The following CNBD2 variants were observed in gnomAD, a reference collection of about 807,000 sequenced individuals.
CNBD2 encodes the protein cyclic nucleotide-binding domain-containing protein 2.
CNBD2 carries 64 observed loss-of-function variants against 63.7 expected under a neutral mutation model. That is an observed-to-expected ratio of 1.00 (90% CI 0.82 to 1.24). The LOEUF (loss-of-function observed/expected upper bound fraction) is 1.24, where lower values mean the gene tolerates loss of function less well. CNBD2 is among the 50% of genes most tolerant of loss of function. The pLI, the probability that CNBD2 is intolerant of heterozygous loss-of-function variation, is 0.00. For synonymous variants in CNBD2, 229 were observed against 255.4 expected (o/e 0.90, Z 0.99); for missense variants, 691 against 713.5 (o/e 0.97, Z 0.36).
intron 10 of CNBD2, among the ~76,000 whole-genome samples, chr20:36,018,352 C>A (rs6142480): frequency 6.6e-6 from 1 of 152,182 alleles, no homozygotes; most frequent in African/African-American, 2.4e-5. Flanking sequence ...CCTAGAAGTC[C>A]TGGAAGGCTT....
intron 8 of CNBD2, among the ~76,000 whole-genome samples, chr20:36,001,516 G>C (rs1278690723): frequency 5.3e-4 from 79 of 150,030 alleles, no homozygotes; most frequent in Middle Eastern, 3.7e-3. Context: ...CCTCCCTCCC[G>C]GACGGGGCGG....
intron 4 of CNBD2, 68 bp from the exon 5 acceptor site, chr20:35,983,914 A>C: frequency 6.3e-7 from 1 of 1,580,158 alleles, no homozygotes; most frequent in Non-Finnish European, 8.7e-7. Flanking sequence ...CAACCAGTCC[A>C]GAGCTCCTCT....
intron 8 of CNBD2, 69 bp downstream of exon 8, chr20:35,995,221 T>TA (rs2056809120): frequency 1.9e-6 from 2 of 1,033,416 alleles, no homozygotes; most frequent in East Asian, 2.4e-5. Context: ...TCCCAGCACA[T>TA]AGAGCCTTAG....
chr20:35,971,102 T>C (rs369131217), intron 1 of CNBD2, among the ~76,000 whole-genome samples: 16 of 150,238 alleles, frequency 1.1e-4, no homozygotes, highest in East Asian at 4.0e-4. Flanking sequence ...CGCCCGCCAC[T>C]ACGCCCGGCT....
upstream of CNBD2, chr20:35,954,453 C>A (rs575970060): frequency 5.8e-4 from 902 of 1,548,986 alleles, 4 homozygotes; most frequent in South Asian, 3.3e-3. Context: ...CTTACCTGCA[C>A]CAGCGAAGCG....
intron 10 of CNBD2, among the ~76,000 whole-genome samples, chr20:36,017,415 C>G (rs2057149928): frequency 6.6e-6 from 1 of 152,148 alleles, no homozygotes; most frequent in Non-Finnish European, 1.5e-5. Context: ...TGCTCCTTCC[C>G]TCCACTCACA....
chr20:36,023,210 CCTT>C (rs1463497199), intron 10 of CNBD2, among the ~76,000 whole-genome samples: 2 of 152,132 alleles, frequency 1.3e-5, no homozygotes, highest in East Asian at 3.9e-4. Context: ...CTGTTTGAGG[CCTT>C]CTTTTTCCCA....
At chr20:35,981,416 T>A (rs903963288) in intron 4 of CNBD2, among the ~76,000 whole-genome samples, 3 of 152,048 alleles carry the variant, frequency 2.0e-5, no homozygotes, top group African/African-American at 7.2e-5. Flanking sequence ...ACCTGGGCCA[T>A]CTCCTCTTTC....
At chr20:35,959,562 C>T (rs2056290058), downstream of CNBD2, 1 of 152,170 alleles carries the variant, frequency 6.6e-6, no homozygotes, top group Admixed American at 6.6e-5. Context: ...GACTTATTCA[C>T]TACCATGAGA....
chr20:35,964,325 C>A (rs780021444), upstream of CNBD2, among the ~76,000 whole-genome samples: 3 of 151,956 alleles, frequency 2.0e-5, no homozygotes, highest in Non-Finnish European at 2.9e-5. Context: ...GGATTACAGG[C>A]CCGCGCCACC....
intron 10 of CNBD2, among the ~76,000 whole-genome samples, chr20:36,018,882 T>C (rs1199772037): frequency 6.6e-6 from 1 of 152,206 alleles, no homozygotes; most frequent in African/African-American, 2.4e-5. Context: ...TCTGAATCTA[T>C]GTCATGGGAA....
chr20:36,023,492 A>G lies in CNBD2; in HGVS notation c.1270-110A>G, dbSNP rs1601106760. ...TGGGCCATTGCACTCCAGCCTGGGC[A>G]ACAACAGCGAAACTCCGTCTCAAAA... On this transcript the variant is annotated intron_variant, in intron 10 of 11. Transcript: ENST00000373973. 5 of 1,003,214 alleles carry G rather than the reference A, an allele frequency of 5.0e-6. No homozygotes were observed. In the East Asian group the frequency reaches 1.1e-4, roughly 22 times the overall value. The allele number at this position is 1,003,214 out of a possible 1,614,324, so 62.1% of individuals were successfully genotyped here.
intron 4 of CNBD2, among the ~76,000 whole-genome samples, chr20:35,982,004 G>A (rs571679545): frequency 6.6e-6 from 1 of 152,310 alleles, no homozygotes; most frequent in Non-Finnish European, 1.5e-5. Flanking sequence ...GAAAGGATCT[G>A]AATAGTGGAG....
chr20:35,968,581 AT>A (rs1330438710), upstream of CNBD2: 2 of 528,006 alleles, frequency 3.8e-6, no homozygotes, highest in African/African-American at 1.9e-5. Context: ...TCTGAGAATG[AT>A]TTTTCTCAGA....
At chr20:35,954,395 G>T (rs113606286), upstream of CNBD2, 18 of 1,561,490 alleles carry the variant, frequency 1.2e-5, no homozygotes, top group African/African-American at 1.1e-4. Context: ...CAGAGCTCGC[G>T]TCACCCTTGA....
intron 2 of CNBD2, 28 bp from the exon 3 acceptor site, chr20:35,975,921 C>T (rs754391972): frequency 6.2e-7 from 1 of 1,606,520 alleles, no homozygotes; most frequent in Admixed American, 1.7e-5. Context: ...GCTGATTCTC[C>T]CTCTTCTCCC....
At chr20:36,009,419 G>T (rs925008486) in intron 9 of CNBD2, among the ~76,000 whole-genome samples, 12 of 151,768 alleles carry the variant, frequency 7.9e-5, no homozygotes, top group Admixed American at 3.9e-4. Flanking sequence ...AGCCAGGATG[G>T]TCTCGGTCTC....
downstream of CNBD2, among the ~76,000 whole-genome samples, chr20:35,956,158 A>G (rs2056254689): frequency 6.6e-6 from 1 of 152,234 alleles, no homozygotes; most frequent in Admixed American, 6.5e-5. Flanking sequence ...TTTAACAACC[A>G]TTAACATGCC....
chr20:36,001,474 G>T (rs1399006067), intron 8 of CNBD2, among the ~76,000 whole-genome samples: 1 of 151,536 alleles, frequency 6.6e-6, no homozygotes, highest in Non-Finnish European at 1.5e-5. Flanking sequence ...CCCAGACGGG[G>T]CGGCTGGCCG....
Sources: allele counts gnomAD v4.1 joint callset (sites outside exome capture counted in the v4.1 genomes callset), GRCh38; gene constraint gnomAD v4.1.1; transcripts MANE v1.5; gene names NCBI Gene and HGNC (gene_info 2026-07-23, HGNC 2026-07-21).